FAM227B: variants seen among roughly 807,000 people sequenced by gnomAD.
The protein encoded by FAM227B is protein FAM227B.
A neutral mutation model predicts 73.8 loss-of-function variants in FAM227B; 88 were observed. The ratio of observed to expected loss-of-function variants is 1.19; its 90% CI spans 1.00 to 1.42. FAM227B has a LOEUF of 1.42. Ranked by LOEUF, FAM227B falls within the 40% of genes most tolerant of loss-of-function variation. The probability of loss-of-function intolerance (pLI) is 0.00; values close to 1 mark genes in which losing one functional copy is unlikely to be tolerated. For synonymous variants in FAM227B, 210 were observed against 190.5 expected (o/e 1.10, Z -0.84); for missense variants, 632 against 590.9 (o/e 1.07, Z -0.72).
intron 11 of FAM227B, among the ~76,000 whole-genome samples, chr15:49,417,950 A>G (rs924613598): frequency 6.6e-6 from 1 of 152,246 alleles, no homozygotes; most frequent in Non-Finnish European, 1.5e-5. Flanking sequence ...TCCAACATCT[A>G]TAAGGAGCTT....
chr15:49,597,225 A>G lies in FAM227B; in HGVS notation c.106-7218T>C, dbSNP rs112096699. On this transcript the variant is annotated intron_variant, in intron 3 of 15. Coordinates refer to ENST00000299338, the MANE Select transcript of FAM227B (RefSeq NM_152647.3). ...CAAGATAGACCATGTGACAGGCCACAAAACAAGTCTCAATAAATTCAAGAA... is the reference window on the plus strand; with the variant it reads ...CAAGATAGACCATGTGACAGGCCACGAAACAAGTCTCAATAAATTCAAGAA... 2.2e-3 allele frequency among the ~76,000 whole-genome samples: 336 copies of G among 152,200 alleles called. 2 individuals are homozygous for G. Among genetic ancestry groups the G allele is most frequent in the African/African-American group, 7.7e-3 (322 of 41,558 alleles).
chr15:49,516,598 A>T (rs2059396694), intron 10 of FAM227B, among the ~76,000 whole-genome samples: 2 of 152,052 alleles, frequency 1.3e-5, no homozygotes. Context: ...GTAATGGCAC[A>T]GGTTTTAATT....
intron 11 of FAM227B, among the ~76,000 whole-genome samples, chr15:49,501,411 G>A (rs761767542): frequency 3.3e-5 from 5 of 152,160 alleles, no homozygotes; most frequent in Non-Finnish European, 7.4e-5. Context: ...CAAAGAACTT[G>A]GCTGCATTGT....
intron 8 of FAM227B, among the ~76,000 whole-genome samples, chr15:49,569,039 T>C (rs1177655603): frequency 6.6e-6 from 1 of 151,968 alleles, no homozygotes; most frequent in Non-Finnish European, 1.5e-5. Flanking sequence ...GGTTTTTGAT[T>C]ACTGATTTAA....
chr15:49,568,235 C>T lies in FAM227B; in HGVS notation c.747+10G>A, dbSNP rs2074814317. 1.1e-5 allele frequency: 17 copies of T among 1,590,092 alleles called. No individual in the cohort carries two copies. The highest frequency in any genetic ancestry group is 2.7e-5 in the African/African-American group (2 of 73,926). The stretch of plus-strand genomic sequence containing the variant: ...AAATAATTAGCATAACTGTTAATTT[C>T]AATGCTTACCTGAAAAAATGCATCC... On this transcript the variant is annotated intron_variant, in intron 9 of 15. Transcript: ENST00000299338.
At chr15:49,555,769 T>C (rs536807533) in intron 9 of FAM227B, among the ~76,000 whole-genome samples, 1 of 152,368 alleles carries the variant, frequency 6.6e-6, no homozygotes, top group Non-Finnish European at 1.5e-5. Flanking sequence ...TGTATTTGTC[T>C]GATTGGTTGA....
chr15:49,590,866 CTA>C (rs565418623), intron 3 of FAM227B, among the ~76,000 whole-genome samples: 47 of 152,160 alleles, frequency 3.1e-4, no homozygotes, highest in East Asian at 2.9e-3. Flanking sequence ...CTCTCTGCTC[CTA>C]TGAGTTCCAT....
At chr15:49,328,884 GAGCT>G in intron 15 of FAM227B, 1 of 1,307,536 alleles carries the variant, frequency 7.6e-7, no homozygotes, top group African/African-American at 1.5e-5. Context: ...TTTTGGCCCT[GAGCT>G]ATCTCCATTA....
chr15:49,533,054 A>T (rs1285864499), intron 10 of FAM227B, among the ~76,000 whole-genome samples: 1 of 151,706 alleles, frequency 6.6e-6, no homozygotes, highest in African/African-American at 2.4e-5. Flanking sequence ...ACATCCTCCA[A>T]TTGCTTTTGT....
chr15:49,550,953 C>T (rs570755009), intron 9 of FAM227B, among the ~76,000 whole-genome samples: 1 of 152,132 alleles, frequency 6.6e-6, no homozygotes, highest in Non-Finnish European at 1.5e-5. Flanking sequence ...GAGGTTGTAG[C>T]GAGCCGAGAT....
chr15:49,427,731 T>C lies in FAM227B; in HGVS notation c.1013-56332A>G, dbSNP rs534427086. On this transcript the variant is annotated intron_variant, in intron 11 of 15. Transcript: ENST00000299338. ...GCAATGCTTCCACACAGGAATGTGG[T>C]TTTTTAAGATACTAGTAAATATGGA... 3.3e-5 allele frequency among the ~76,000 whole-genome samples: 5 copies of C among 151,980 alleles called. No individual in the cohort carries two copies. The East Asian group carries it at 9.7e-4, about 30-fold the overall frequency.
intron 11 of FAM227B, among the ~76,000 whole-genome samples, chr15:49,449,031 T>G (rs2052482651): frequency 6.6e-6 from 1 of 151,952 alleles, no homozygotes; most frequent in African/African-American, 2.4e-5. Context: ...CATTCTTTTC[T>G]GTCTGCACTC....
chr15:49,593,225 G>C (rs2076688501), intron 3 of FAM227B, among the ~76,000 whole-genome samples: 1 of 152,128 alleles, frequency 6.6e-6, no homozygotes, highest in African/African-American at 2.4e-5. Flanking sequence ...AGATGAAGCA[G>C]GTACCTCAGT....
At chr15:49,439,561 G>C (rs759897375) in intron 11 of FAM227B, among the ~76,000 whole-genome samples, 3 of 151,716 alleles carry the variant, frequency 2.0e-5, no homozygotes, top group Non-Finnish European at 4.4e-5. Flanking sequence ...GAAATTCTAA[G>C]TACACATAAA....
intron 9 of FAM227B, among the ~76,000 whole-genome samples, chr15:49,552,442 T>C (rs1285003154): frequency 6.6e-6 from 1 of 152,210 alleles, no homozygotes; most frequent in Non-Finnish European, 1.5e-5. Flanking sequence ...GGAGTCTGAT[T>C]ATTAAACATC....
intron 11 of FAM227B, among the ~76,000 whole-genome samples, chr15:49,414,779 T>C (rs1046518757): frequency 6.6e-6 from 1 of 152,000 alleles, no homozygotes; most frequent in Admixed American, 6.6e-5. Flanking sequence ...TTGACATTTT[T>C]TGGAATTAAT....
intron 3 of FAM227B, among the ~76,000 whole-genome samples, chr15:49,607,157 A>G (rs1203881518): frequency 1.3e-5 from 2 of 152,124 alleles, no homozygotes; most frequent in Non-Finnish European, 2.9e-5. Flanking sequence ...CTCATCATAC[A>G]TTTGTTCATT....
At chr15:49,341,538 G>C (rs887917427) in intron 13 of FAM227B, among the ~76,000 whole-genome samples, 1 of 152,100 alleles carries the variant, frequency 6.6e-6, no homozygotes, top group Non-Finnish European at 1.5e-5. Flanking sequence ...TTTTAGTAGA[G>C]ATGAGGTTTC....
At chr15:49,498,172 C>T (rs527494380) in intron 11 of FAM227B, among the ~76,000 whole-genome samples, 6 of 152,276 alleles carry the variant, frequency 3.9e-5, no homozygotes, top group African/African-American at 1.4e-4. Context: ...CCTGTAAAAT[C>T]AAATGACTGA....
Sources: gnomAD v4.1 joint callset for allele counts (sites outside exome capture counted in the v4.1 genomes callset) on GRCh38, gnomAD v4.1.1 for gene constraint, MANE v1.5 for transcripts, NCBI Gene and HGNC (gene_info 2026-07-23, HGNC 2026-07-21) for gene names.